AKR1D1: variants seen among roughly 807,000 people sequenced by gnomAD.
AKR1D1 encodes the protein aldo-keto reductase family 1 member D1, also known as delta(4)-3-ketosteroid 5-beta-reductase.
In AKR1D1, 32 loss-of-function variants were observed where a neutral mutation model predicts 42.6. The observed-to-expected ratio is 0.75, with a 90% CI of 0.57 to 1.01. AKR1D1 has a LOEUF of 1.01. Among genes scored for constraint, AKR1D1 ranks in the 50% least tolerant of loss-of-function variants. AKR1D1 has a pLI of 0.00. For synonymous variants in AKR1D1, 123 were observed against 135.5 expected, an observed-to-expected ratio of 0.91 and a Z score of 0.64; for missense variants, 364 against 402.2, an observed-to-expected ratio of 0.91 and a Z score of 0.81.
At chr7:138,079,819 T>C (rs141614753) in intron 1 of AKR1D1, among the ~76,000 whole-genome samples, 22 of 152,328 alleles carry the variant, frequency 1.4e-4, no homozygotes, top group African/African-American at 4.6e-4. Context: ...TCATGTCCCA[T>C]GGTCAGATGT....
chr7:138,116,388 TA>T (rs1044963689), intron 8 of AKR1D1, among the ~76,000 whole-genome samples: 1 of 151,930 alleles, frequency 6.6e-6, no homozygotes, highest in African/African-American at 2.4e-5. Context: ...AAAATGTTGA[TA>T]AGGTGGCCAC....
chr7:138,099,089 C>CTG (rs1457779626), intron 4 of AKR1D1, among the ~76,000 whole-genome samples: 2 of 152,100 alleles, frequency 1.3e-5, no homozygotes, highest in East Asian at 3.9e-4. Flanking sequence ...ATATACTTGC[C>CTG]TGTGAGGCAA....
intron 4 of AKR1D1, among the ~76,000 whole-genome samples, chr7:138,102,002 G>T (rs1345415107): frequency 6.6e-6 from 1 of 152,124 alleles, no homozygotes; most frequent in East Asian, 1.9e-4. Context: ...CATGAGGCCA[G>T]GAGTTCGAGA....
chr7:138,105,226 G>T, intron 4 of AKR1D1, 81 bp from the exon 5 acceptor site: 3 of 1,598,206 alleles, frequency 1.9e-6, no homozygotes, highest in South Asian at 1.1e-5. Flanking sequence ...CCTTTTTAAA[G>T]AATTCACAGT....
rs147975731 is a variant in AKR1D1 at position 138,089,598 on chromosome 7, T to A, written c.261+830T>A. On this transcript the variant is annotated intron_variant, in intron 2 of 8. Transcript: ENST00000242375. ...AAGTTAGCATACAAGGAAAAGGTGG[T>A]CAAAACATGCTTTAAATTGTCCTTT... Among the ~76,000 whole-genome samples the A allele has an allele frequency of 5.1e-3, 782 of 152,276 alleles. 9 individuals are homozygous for A. The highest frequency in any genetic ancestry group is 0.018 in the African/African-American group (737 of 41,550).
intron 7 of AKR1D1, among the ~76,000 whole-genome samples, chr7:138,111,631 C>T (rs934150894): frequency 2.0e-5 from 3 of 151,978 alleles, no homozygotes; most frequent in Non-Finnish European, 2.9e-5. Flanking sequence ...ATAATTTGTG[C>T]CATGGGAGAA....
chr7:138,092,772 CAT>C (rs1794109161), intron 3 of AKR1D1, among the ~76,000 whole-genome samples: 1 of 152,008 alleles, frequency 6.6e-6, no homozygotes, highest in African/African-American at 2.4e-5. Flanking sequence ...AAAAATATGG[CAT>C]AAAAGATAAG....
At chr7:138,110,148 C>G (rs981651663) in intron 7 of AKR1D1, among the ~76,000 whole-genome samples, 5 of 151,156 alleles carry the variant, frequency 3.3e-5, no homozygotes, top group Non-Finnish European at 5.9e-5. Context: ...AAGCAAGGAG[C>G]AACAAAATAA....
chr7:138,081,796 G>A (rs1803064867), intron 1 of AKR1D1, among the ~76,000 whole-genome samples: 1 of 151,962 alleles, frequency 6.6e-6, no homozygotes, highest in Non-Finnish European at 1.5e-5. Flanking sequence ...TGATCAGGCT[G>A]GTCTCGAACT....
chr7:138,100,151 T>C (rs1221852912), intron 4 of AKR1D1, among the ~76,000 whole-genome samples: 2 of 54,052 alleles, frequency 3.7e-5, no homozygotes, highest in African/African-American at 7.2e-5. Context: ...TTCCAGAGCA[T>C]AATAAATAAT....
At chr7:138,092,009 T>C (rs976113290) in intron 3 of AKR1D1, 125 bp downstream of exon 3, 1 of 618,276 alleles carries the variant, frequency 1.6e-6, no homozygotes, top group Non-Finnish European at 2.9e-6. Context: ...CATGAGCCAA[T>C]AGCTATGTGC....
At chr7:138,079,529 T>C (rs1349359045) in intron 1 of AKR1D1, among the ~76,000 whole-genome samples, 1 of 152,200 alleles carries the variant, frequency 6.6e-6, no homozygotes, top group East Asian at 1.9e-4. Flanking sequence ...CAGCTTGTCC[T>C]CCAGTACAGC....
In AKR1D1 at chr7:138,113,871, A is replaced by G. The variant is rs539317731; in HGVS notation, c.938+99A>G. 5.4e-5 allele frequency: 58 copies of G among 1,071,970 alleles called. No individual in the cohort carries two copies. The East Asian group carries it at 1.3e-3, about 25-fold the overall frequency. The allele number at this position is 1,071,970 out of a possible 1,614,324, so 66.4% of individuals were successfully genotyped here. ...AAGAACCCTGACCTATGTCCATAGC[A>G]CCAGGGCAAAGCATGGTGGGCCGCA... On this transcript the variant is annotated intron_variant, in intron 8 of 8. Transcript: ENST00000242375.
At chr7:138,086,941 A>G (rs1803194332) in intron 1 of AKR1D1, among the ~76,000 whole-genome samples, 1 of 152,270 alleles carries the variant, frequency 6.6e-6, no homozygotes, top group African/African-American at 2.4e-5. Flanking sequence ...CTCATTAAGA[A>G]AAAATGTAAC....
chr7:138,115,401 T>TTAGACA (rs1285177974), intron 8 of AKR1D1, among the ~76,000 whole-genome samples: 1 of 152,182 alleles, frequency 6.6e-6, no homozygotes, highest in Non-Finnish European at 1.5e-5. Flanking sequence ...CGCTCCAGCC[T>TTAGACA]GGTAGACAGA....
chr7:138,108,386 A>G (rs1270669758), intron 7 of AKR1D1, among the ~76,000 whole-genome samples: 1 of 152,240 alleles, frequency 6.6e-6, no homozygotes, highest in Non-Finnish European at 1.5e-5. Flanking sequence ...ACTCATAATT[A>G]AAGATAAATA....
At chr7:138,108,447 T>G (rs1285508409) in intron 7 of AKR1D1, among the ~76,000 whole-genome samples, 1 of 152,146 alleles carries the variant, frequency 6.6e-6, no homozygotes, top group Non-Finnish European at 1.5e-5. Context: ...TCAAAATACT[T>G]GGTAATATTT....
At chr7:138,106,798 T>C (rs1794443949) in intron 6 of AKR1D1, 81 bp downstream of exon 6, 2 of 1,157,688 alleles carry the variant, frequency 1.7e-6, no homozygotes, top group Middle Eastern at 1.9e-4. Flanking sequence ...TGGAATGCCT[T>C]TTGGTTTGCC....
chr7:138,093,420 T>C (rs975105105), intron 3 of AKR1D1, among the ~76,000 whole-genome samples: 2 of 152,230 alleles, frequency 1.3e-5, no homozygotes, highest in African/African-American at 4.8e-5. Context: ...GTATTCTTAT[T>C]GTATAAGCTC....
Sources: allele counts gnomAD v4.1 joint callset (sites outside exome capture counted in the v4.1 genomes callset), GRCh38; gene constraint gnomAD v4.1.1; transcripts MANE v1.5; gene names NCBI Gene and HGNC (gene_info 2026-07-23, HGNC 2026-07-21).